Variants in ADAMTS3 observed in about 807,000 individuals in gnomAD.
ADAMTS3 encodes A disintegrin and metalloproteinase with thrombospondin motifs 3.
Under a neutral mutation model 129.0 loss-of-function variants are expected in ADAMTS3, and 73 were observed. The observed-to-expected ratio is 0.57, with a 90% CI of 0.47 to 0.69. The LOEUF (loss-of-function observed/expected upper bound fraction) is 0.69, where lower values mean the gene tolerates loss of function less well. ADAMTS3 is among the 30% of genes least tolerant of loss of function. The probability of loss-of-function intolerance (pLI) is 0.00; values close to 1 mark genes in which losing one functional copy is unlikely to be tolerated. For synonymous variants in ADAMTS3, 477 were observed against 510.8 expected, an observed-to-expected ratio of 0.93 and a Z score of 0.89; for missense variants, 1,457 against 1,514.5, an observed-to-expected ratio of 0.96 and a Z score of 0.63.
intron 3 of ADAMTS3, among the ~76,000 whole-genome samples, chr4:72,470,577 A>G (rs1354209233): frequency 6.6e-6 from 1 of 151,916 alleles, no homozygotes; most frequent in Admixed American, 6.6e-5. Context: ...TTAACCTGTG[A>G]ATCCCTGAAG....
rs564071375 is a variant in ADAMTS3 at position 72,518,335 on chromosome 4, T to G, written c.504+30143A>C. Among the ~76,000 whole-genome samples, 40 of 152,302 alleles carry G rather than the reference T, an allele frequency of 2.6e-4. 1 individual carries two copies. The South Asian group carries it at 2.7e-3, about 10-fold the overall frequency. Reference sequence around the variant, plus strand: ...TCTGTTGATATGGGGTGGAGAGTTCTGTAGATGTCTATTAGGTACACTTGG... The same window carrying G: ...TCTGTTGATATGGGGTGGAGAGTTCGGTAGATGTCTATTAGGTACACTTGG... On this transcript the variant is annotated intron_variant, in intron 3 of 21. Transcript: ENST00000286657.
chr4:72,531,129 GT>G (rs1224047325), intron 3 of ADAMTS3, among the ~76,000 whole-genome samples: 1 of 151,788 alleles, frequency 6.6e-6, no homozygotes, highest in Non-Finnish European at 1.5e-5. Context: ...GATGACAGTG[GT>G]TTTGTCCAAA....
chr4:72,366,732 T>C (rs1422417530), intron 4 of ADAMTS3, among the ~76,000 whole-genome samples: 1 of 151,672 alleles, frequency 6.6e-6, no homozygotes, highest in Non-Finnish European at 1.5e-5. Context: ...GATAATTGCA[T>C]CCTCATGAAG....
At chr4:72,509,344 T>C (rs1340873407) in intron 3 of ADAMTS3, among the ~76,000 whole-genome samples, 6 of 151,442 alleles carry the variant, frequency 4.0e-5, no homozygotes, top group Non-Finnish European at 5.9e-5. Context: ...AAAAATTGGG[T>C]TTTTGAAAAG....
At chr4:72,506,950 C>A (rs1285938780) in intron 3 of ADAMTS3, among the ~76,000 whole-genome samples, 1 of 152,134 alleles carries the variant, frequency 6.6e-6, no homozygotes, top group African/African-American at 2.4e-5. Context: ...GCCTGAAGCA[C>A]ACTAAAAGCC....
intron 3 of ADAMTS3, among the ~76,000 whole-genome samples, chr4:72,544,151 G>A (rs1414032340): frequency 6.6e-6 from 1 of 152,072 alleles, no homozygotes; most frequent in Non-Finnish European, 1.5e-5. Context: ...GATACATTTA[G>A]TAGTAGTCTA....
intron 3 of ADAMTS3, among the ~76,000 whole-genome samples, chr4:72,501,353 G>A (rs1330540360): frequency 1.3e-5 from 2 of 151,802 alleles, no homozygotes; most frequent in African/African-American, 4.8e-5. Flanking sequence ...GTATTCCTAG[G>A]TATTTTATGT....
intron 4 of ADAMTS3, among the ~76,000 whole-genome samples, chr4:72,398,661 C>A (rs1192329686): frequency 1.3e-5 from 2 of 152,088 alleles, no homozygotes; most frequent in African/African-American, 2.4e-5. Context: ...TTTATGAAGA[C>A]AAAGGACACT....
intron 3 of ADAMTS3, among the ~76,000 whole-genome samples, chr4:72,546,742 G>T (rs1256906189): frequency 6.6e-6 from 1 of 152,084 alleles, no homozygotes; most frequent in African/African-American, 2.4e-5. Flanking sequence ...ATTGTGAGCT[G>T]CCACTACTCA....
intron 4 of ADAMTS3, among the ~76,000 whole-genome samples, chr4:72,389,861 G>T (rs1419426882): frequency 2.0e-5 from 3 of 152,050 alleles, no homozygotes; most frequent in African/African-American, 7.2e-5. Flanking sequence ...AAATTACATA[G>T]AACTCCAATT....
Position 72,517,002 on chromosome 4 carries a change from T to C in ADAMTS3, c.504+31476A>G, listed in dbSNP as rs559674688. Among the ~76,000 whole-genome samples the C allele has an allele frequency of 3.3e-5, 5 of 152,332 alleles. No individual in the cohort carries two copies. In the South Asian group the frequency reaches 1.0e-3, roughly 32 times the overall value. On this transcript the variant is annotated intron_variant, in intron 3 of 21. Transcript: ENST00000286657. ...ATAGATAGCTCTTAATATTTTGAGA[T>C]ACATCCCATCAATACCTAATTTATT...
chr4:72,320,327 T>C (rs1719518880), intron 7 of ADAMTS3, among the ~76,000 whole-genome samples: 2 of 152,306 alleles, frequency 1.3e-5, no homozygotes, highest in East Asian at 1.9e-4. Flanking sequence ...AGTCTCCTTC[T>C]TCCAAAGTCC....
chr4:72,314,323 A>T (rs965728347), intron 11 of ADAMTS3, among the ~76,000 whole-genome samples: 9 of 152,234 alleles, frequency 5.9e-5, no homozygotes, highest in African/African-American at 1.9e-4. Flanking sequence ...ATTAACAATG[A>T]TTCTGAGAGA....
chr4:72,548,822 C>T lies in ADAMTS3; in HGVS notation c.160G>A (p.Gly54Arg), dbSNP rs1412293684. The change falls in exon 3 of 22, where the codon GGA becomes AGA. Residue 54 changes from glycine (G) to arginine (R), a missense_variant. Gly to Arg is a moderately radical substitution (Grantham distance 125, BLOSUM62 -2). Coordinates refer to ENST00000286657, the MANE Select transcript of ADAMTS3 (RefSeq NM_014243.3). ...LVTPVSTNLEGRYLSHTLSAS... is the reference protein window; with the variant it reads ...LVTPVSTNLERRYLSHTLSAS... ...GAAAGAGTATGGGAGAGATAGCGTC[C>T]TTCTAGATTTGTGCTGACTGGAGTC... 1.2e-6 allele frequency: 2 copies of T among 1,613,668 alleles called. No homozygotes were observed. The highest frequency in any genetic ancestry group is 1.7e-6 in the Non-Finnish European group (2 of 1,179,838).
intron 5 of ADAMTS3, among the ~76,000 whole-genome samples, chr4:72,336,860 C>A (rs1471569608): frequency 6.6e-6 from 1 of 151,788 alleles, no homozygotes; most frequent in Non-Finnish European, 1.5e-5. Flanking sequence ...CCCCGCCCCA[C>A]CCACCAGTGT....
At chr4:72,428,819 T>C (rs1344280788) in intron 3 of ADAMTS3, among the ~76,000 whole-genome samples, 1 of 152,060 alleles carries the variant, frequency 6.6e-6, no homozygotes, top group Non-Finnish European at 1.5e-5. Context: ...ATTTAAATTA[T>C]ATTCTAATAT....
At chr4:72,323,649 A>G (rs1263108279) in intron 5 of ADAMTS3, among the ~76,000 whole-genome samples, 1 of 152,152 alleles carries the variant, frequency 6.6e-6, no homozygotes. Flanking sequence ...GTCCTACAAG[A>G]TAGAAATCCT....
At chr4:72,480,329 A>C (rs2110004831) in intron 3 of ADAMTS3, among the ~76,000 whole-genome samples, 1 of 152,342 alleles carries the variant, frequency 6.6e-6, no homozygotes, top group South Asian at 2.1e-4. Flanking sequence ...GATTAAGAAA[A>C]CGTGGCACAT....
intron 3 of ADAMTS3, among the ~76,000 whole-genome samples, chr4:72,425,407 A>C (rs1262180206): frequency 2.6e-5 from 4 of 152,072 alleles, no homozygotes; most frequent in Non-Finnish European, 5.9e-5. Flanking sequence ...ACATGGATAC[A>C]TGTGCCATGT....
Sources: gnomAD v4.1 joint callset for allele counts (sites outside exome capture counted in the v4.1 genomes callset) on GRCh38, gnomAD v4.1.1 for gene constraint, MANE v1.5 for transcripts, NCBI Gene and HGNC (gene_info 2026-07-23, HGNC 2026-07-21) for gene names.